Variants in RGSL1 observed in about 807,000 individuals in gnomAD.
The protein encoded by RGSL1 is regulator of G protein signaling like 1.
A neutral mutation model predicts 124.7 loss-of-function variants in RGSL1; 97 were observed. The ratio of observed to expected loss-of-function variants is 0.78; its 90% CI spans 0.66 to 0.92. The LOEUF is 0.92. Among genes scored for constraint, RGSL1 ranks in the 40% least tolerant of loss-of-function variants. The pLI is 0.00. For synonymous variants in RGSL1, 424 were observed against 438.1 expected (o/e 0.97, Z 0.40); for missense variants, 1,233 against 1,288.4 (o/e 0.96, Z 0.66).
chr1:182,547,048 A>C (rs1043876517), intron 15 of RGSL1, among the ~76,000 whole-genome samples: 6 of 152,176 alleles, frequency 3.9e-5, no homozygotes, highest in Admixed American at 6.5e-5. Context: ...GAGATCTTCT[A>C]CTCACCCCAG....
At chr1:182,490,086 C>T (rs565979733) in intron 8 of RGSL1, among the ~76,000 whole-genome samples, 133 of 152,300 alleles carry the variant, frequency 8.7e-4, no homozygotes, top group African/African-American at 3.2e-3. Flanking sequence ...GCCCTTATTA[C>T]ATAAGATGCT....
intron 15 of RGSL1, among the ~76,000 whole-genome samples, chr1:182,546,525 C>T (rs1184058193): frequency 6.6e-6 from 1 of 152,116 alleles, no homozygotes; most frequent in Admixed American, 6.5e-5. Flanking sequence ...TCCCAAGTAG[C>T]TGGGACTACA....
intron 9 of RGSL1, among the ~76,000 whole-genome samples, chr1:182,498,121 G>T (rs1314280653): frequency 6.6e-6 from 1 of 152,006 alleles, no homozygotes; most frequent in African/African-American, 2.4e-5. Context: ...TTAAAATTAT[G>T]TAAATATCTC....
At chr1:182,457,995 AGTAAATATGTTCTAATATCATG>A (rs1215751464) in intron 2 of RGSL1, among the ~76,000 whole-genome samples, 2 of 152,248 alleles carry the variant, frequency 1.3e-5, no homozygotes, top group African/African-American at 4.8e-5. Flanking sequence ...GAGTACACAA[AGTAAATATGTTCTAATATCATG>A]GGCCTTGGCC....
chr1:182,527,315 G>GA (rs1176734428), intron 10 of RGSL1, among the ~76,000 whole-genome samples: 1 of 152,038 alleles, frequency 6.6e-6, no homozygotes, highest in African/African-American at 2.4e-5. Context: ...GAATTCCCTT[G>GA]AAAAAATTGT....
chr1:182,496,283 A>G (rs997802871), intron 9 of RGSL1, among the ~76,000 whole-genome samples: 2 of 151,940 alleles, frequency 1.3e-5, no homozygotes, highest in Admixed American at 1.3e-4. Flanking sequence ...TTCATAAGAA[A>G]CCACCCCATG....
At chr1:182,453,884 G>A (rs1351921809) in intron 1 of RGSL1, 74 bp from the exon 2 acceptor site, 5 of 799,708 alleles carry the variant, frequency 6.3e-6, no homozygotes, top group South Asian at 3.0e-5. Flanking sequence ...TGATCCATTC[G>A]ATTGCTTCAT....
chr1:182,537,548 C>A (rs1472339763), intron 14 of RGSL1, among the ~76,000 whole-genome samples: 2 of 152,130 alleles, frequency 1.3e-5, no homozygotes, highest in Non-Finnish European at 2.9e-5. Context: ...ATAAAATATG[C>A]CTGAACTTTG....
At position 182,554,614 on chromosome 1, in the gene RGSL1, T is replaced by C; in HGVS notation, c.3131-13T>C. The C allele has an allele frequency of 6.4e-7, 1 of 1,551,254 alleles. No homozygotes were observed. Among genetic ancestry groups the C allele is most frequent in the South Asian group, 1.2e-5 (1 of 84,048 alleles). ...TGAGTCCTGATGCAATTTTTCTCTG[T>C]ATTTCTCTTTAGCTTCATCAAGCAA... On this transcript the variant is annotated splice_polypyrimidine_tract_variant and intron_variant, in intron 19 of 21. Transcript: ENST00000294854.
At chr1:182,484,397 G>A (rs532604807) in intron 6 of RGSL1, among the ~76,000 whole-genome samples, 1 of 152,242 alleles carries the variant, frequency 6.6e-6, no homozygotes, top group Non-Finnish European at 1.5e-5. Flanking sequence ...CCGCTCTTCT[G>A]GGAGGCAGGA....
chr1:182,460,228 A>ATGTGTG (rs369221755), intron 4 of RGSL1, 95 bp downstream of exon 4: 3 of 1,353,768 alleles, frequency 2.2e-6, no homozygotes, highest in Non-Finnish European at 2.9e-6. Flanking sequence ...TTATGCCTGT[A>ATGTGTG]TGTGTGTGTG....
intron 4 of RGSL1, among the ~76,000 whole-genome samples, chr1:182,462,072 C>T (rs1652887785): frequency 6.6e-6 from 1 of 152,120 alleles, no homozygotes; most frequent in South Asian, 2.1e-4. Context: ...ATATTATACT[C>T]TTGAATGCCA....
Position 182,489,039 on chromosome 1 carries a change from G to A in RGSL1, c.1554G>A (p.Glu518=), listed in dbSNP as rs758069120. The change falls in exon 8 of 22, where the codon GAG becomes GAA. Residue 518 remains glutamate, a synonymous_variant. Transcript: ENST00000294854. ...QHKREFIGKE[E]NILLYKRIQQ... is the part of the protein sequence containing the mutation. ...AAAGAGAATTTATAGGCAAAGAAGA[G>A]AACATTCTTCTTTATAAGAGGATTC... 4 of 1,551,612 alleles carry A rather than the reference G, an allele frequency of 2.6e-6. No individual in the cohort carries two copies. In the Middle Eastern group the frequency reaches 5.0e-4, roughly 195 times the overall value.
chr1:182,515,783 T>A (rs1321774339), intron 9 of RGSL1, among the ~76,000 whole-genome samples: 1 of 152,024 alleles, frequency 6.6e-6, no homozygotes, highest in Non-Finnish European at 1.5e-5. Flanking sequence ...GTGCAGCTCG[T>A]ACGTGCTGCA....
intron 11 of RGSL1, among the ~76,000 whole-genome samples, chr1:182,529,441 G>A (rs1396542428): frequency 1.3e-5 from 2 of 152,182 alleles, no homozygotes; most frequent in African/African-American, 4.8e-5. Flanking sequence ...AAGGAGAACT[G>A]TATGCCTGAA....
chr1:182,558,616 G>A (rs1233693273), intron 21 of RGSL1, among the ~76,000 whole-genome samples: 2 of 152,130 alleles, frequency 1.3e-5, no homozygotes, highest in Admixed American at 1.3e-4. Flanking sequence ...CTGGCTGTCA[G>A]CTGAGAGCCG....
chr1:182,471,509 T>C (rs1476766596), intron 4 of RGSL1: 2 of 358,796 alleles, frequency 5.6e-6, no homozygotes, highest in Non-Finnish European at 1.1e-5. Flanking sequence ...TAATGCAGTT[T>C]GGATAAAAAT....
chr1:182,528,765 A>G (rs1658944768), intron 11 of RGSL1, among the ~76,000 whole-genome samples: 1 of 152,158 alleles, frequency 6.6e-6, no homozygotes, highest in Admixed American at 6.5e-5. Flanking sequence ...CCCAGTACCA[A>G]TTTACTGTGT....
chr1:182,533,116 A>C (rs1184266650), intron 14 of RGSL1, among the ~76,000 whole-genome samples: 1 of 152,170 alleles, frequency 6.6e-6, no homozygotes, highest in African/African-American at 2.4e-5. Flanking sequence ...AAATTAATAC[A>C]TGCTGTTAAT....
Sources: gnomAD v4.1 joint callset for allele counts (sites outside exome capture counted in the v4.1 genomes callset) on GRCh38, gnomAD v4.1.1 for gene constraint, MANE v1.5 for transcripts, NCBI Gene and HGNC (gene_info 2026-07-23, HGNC 2026-07-21) for gene names.